DAP3: variants seen among roughly 807,000 people sequenced by gnomAD.
DAP3 encodes the protein small ribosomal subunit protein mS29.
A neutral mutation model predicts 51.9 loss-of-function variants in DAP3; 28 were observed. The observed-to-expected ratio is 0.54, with a 90% CI of 0.40 to 0.74. DAP3 has a LOEUF of 0.74. Ranked by LOEUF, DAP3 falls within the 30% of genes least tolerant of loss-of-function variation. DAP3 has a pLI of 0.00. For synonymous variants in DAP3, 170 were observed against 170.3 expected (o/e 1.00, Z 0.01); for missense variants, 458 against 483.5 (o/e 0.95, Z 0.49).
intron 9 of DAP3, among the ~76,000 whole-genome samples, chr1:155,730,819 C>A (rs1351019065): frequency 6.6e-6 from 1 of 151,948 alleles, no homozygotes; most frequent in Non-Finnish European, 1.5e-5. Context: ...CAGAGGAGAT[C>A]AGAAGCATCA....
At chr1:155,731,732 C>T (rs183459605) in intron 10 of DAP3, among the ~76,000 whole-genome samples, 3 of 152,004 alleles carry the variant, frequency 2.0e-5, no homozygotes, top group South Asian at 4.2e-4. Flanking sequence ...AGTTTGAGAC[C>T]CACAAATATG....
At chr1:155,693,689 T>G (rs923695315) in intron 1 of DAP3, among the ~76,000 whole-genome samples, 1 of 141,490 alleles carries the variant, frequency 7.1e-6, no homozygotes, top group Non-Finnish European at 1.5e-5. Context: ...TGGCCGGGAG[T>G]GGTGGCTCAC....
intron 1 of DAP3, among the ~76,000 whole-genome samples, chr1:155,698,443 CTT>C (rs1654796178): frequency 6.6e-6 from 1 of 152,146 alleles, no homozygotes; most frequent in Non-Finnish European, 1.5e-5. Flanking sequence ...GGGTCCCTGA[CTT>C]CCTGCAACAC....
At chr1:155,693,602 T>G (rs1195994875) in intron 1 of DAP3, among the ~76,000 whole-genome samples, 1 of 141,810 alleles carries the variant, frequency 7.1e-6, no homozygotes, top group African/African-American at 3.2e-5. Context: ...ACTGCAAAGG[T>G]CCCCTTAGGG....
intron 2 of DAP3, among the ~76,000 whole-genome samples, chr1:155,712,835 C>T (rs1190489548): frequency 6.6e-6 from 1 of 151,900 alleles, no homozygotes; most frequent in East Asian, 1.9e-4. Context: ...CACCTTGTGA[C>T]CCTTGAATAG....
At chr1:155,724,648 A>AAG (rs1180026229) in intron 4 of DAP3, among the ~76,000 whole-genome samples, 1 of 145,944 alleles carries the variant, frequency 6.9e-6, no homozygotes, top group African/African-American at 2.6e-5. Flanking sequence ...AAGAAAAAAA[A>AAG]AAAAAATCAA....
At chr1:155,702,151 TAAAAAAA>T (rs71080722) in intron 1 of DAP3, among the ~76,000 whole-genome samples, 2 of 101,672 alleles carry the variant, frequency 2.0e-5, no homozygotes, top group Non-Finnish European at 4.0e-5. Flanking sequence ...ATTCTGCCTA[TAAAAAAA>T]AAAAAAAAAA....
intron 10 of DAP3, 119 bp downstream of exon 10, chr1:155,731,534 T>A: frequency 1.0e-6 from 1 of 985,686 alleles, no homozygotes; most frequent in Non-Finnish European, 1.5e-6. Flanking sequence ...TAAGTTATTA[T>A]GTCTTATTTA....
intron 2 of DAP3, chr1:155,710,055 C>T (rs921903734): frequency 2.5e-6 from 1 of 404,352 alleles, no homozygotes; most frequent in African/African-American, 2.0e-5. Context: ...CTTTATTTCT[C>T]TAGCCAACTA....
intron 2 of DAP3, among the ~76,000 whole-genome samples, chr1:155,711,664 G>A (rs1234279627): frequency 6.6e-6 from 1 of 151,476 alleles, no homozygotes; most frequent in Non-Finnish European, 1.5e-5. Flanking sequence ...TAGGATAGAA[G>A]TATATATGAA....
chr1:155,724,640 GAAAA>G (rs936826529), intron 4 of DAP3, among the ~76,000 whole-genome samples: 19 of 91,046 alleles, frequency 2.1e-4, no homozygotes, highest in African/African-American at 6.5e-4. Flanking sequence ...CTCAAAAAAA[GAAAA>G]AAAAAAAAAA....
intron 1 of DAP3, among the ~76,000 whole-genome samples, chr1:155,689,926 C>T (rs932622946): frequency 1.3e-5 from 2 of 151,938 alleles, no homozygotes; most frequent in Non-Finnish European, 2.9e-5. Context: ...CACACACACA[C>T]ACGAAATAAT....
chr1:155,692,456 C>T (rs749047097), intron 1 of DAP3, among the ~76,000 whole-genome samples: 12 of 141,592 alleles, frequency 8.5e-5, no homozygotes, highest in Non-Finnish European at 1.5e-4. Context: ...AGGCATCTTC[C>T]GCATCTGCAG....
In DAP3 at chr1:155,719,292, A is replaced by G. The variant is rs549986632; in HGVS notation, c.168+2164A>G. Among the ~76,000 whole-genome samples, 8 of 148,674 alleles carry G rather than the reference A, an allele frequency of 5.4e-5. No individual in the cohort carries two copies. The South Asian group carries it at 6.3e-4, about 12-fold the overall frequency. ...CTCTTCTTGCCCAGGCTGGAGTGCAATGGCGCAGTCTCGTCTCACTGCAAC... is the reference window on the plus strand; with the variant it reads ...CTCTTCTTGCCCAGGCTGGAGTGCAGTGGCGCAGTCTCGTCTCACTGCAAC... On this transcript the variant is annotated intron_variant, in intron 3 of 12. Transcript: ENST00000368336.
At chr1:155,736,852 C>A in intron 11 of DAP3, 94 bp from the exon 12 acceptor site, 1 of 1,047,610 alleles carries the variant, frequency 9.5e-7, no homozygotes, top group Non-Finnish European at 1.5e-6. Flanking sequence ...AGAAGAAAAA[C>A]AAATACCTTA....
rs2101542113 is a variant in DAP3, at chr1:155,738,775, C to A, written c.*533C>A. On this transcript the variant is annotated 3_prime_UTR_variant, in exon 13 of 13. Transcript: ENST00000368336. ...CTGCTTGAGTTCAGGAGTTTGCAACCAGCCTGGGCAACATGGTGAAAACCT... is the reference window on the plus strand; with the variant it reads ...CTGCTTGAGTTCAGGAGTTTGCAACAAGCCTGGGCAACATGGTGAAAACCT... The A allele has an allele frequency of 6.6e-6, 1 of 152,284 alleles. No homozygotes were observed. Among genetic ancestry groups the A allele is most frequent in the Non-Finnish European group, 1.5e-5 (1 of 68,110 alleles). The allele number at this position is 152,284 out of a possible 1,614,324, so 9.4% of individuals were successfully genotyped here.
chr1:155,729,061 A>C lies in DAP3; in HGVS notation c.623A>C (p.Tyr208Ser). Residue 208 changes from tyrosine (Y) to serine (S), a missense_variant, in exon 8 of 13, where the codon TAT (tyrosine) becomes TCT (serine). Tyr to Ser is a moderately radical substitution (Grantham distance 144). Coordinates refer to ENST00000368336, the MANE Select transcript of DAP3 (RefSeq NM_004632.4). Reference protein sequence around the residue: ...FLNQIKVQEKYVWNKRESTEK... With the variant: ...FLNQIKVQEKSVWNKRESTEK... ...TTTTAGATAAAAGTTCAAGAGAAGT[A>C]TGTCTGGAATAAGAGAGAAAGCACT... 6.2e-7 allele frequency: 1 copy of C among 1,613,788 alleles called. No individual in the cohort carries two copies. Among genetic ancestry groups the C allele is most frequent in the Non-Finnish European group, 8.5e-7 (1 of 1,179,942 alleles).
chr1:155,711,713 C>T (rs1226287557), intron 2 of DAP3, among the ~76,000 whole-genome samples: 3 of 151,216 alleles, frequency 2.0e-5, no homozygotes, highest in South Asian at 2.1e-4. Context: ...CACCATCTGG[C>T]GAAGTCCCAC....
chr1:155,688,660 T>G, upstream of DAP3: 1 of 1,533,138 alleles, frequency 6.5e-7, no homozygotes, highest in South Asian at 1.2e-5. Context: ...CACGCGTACC[T>G]TCAGCGGCGC....
Sources: gnomAD v4.1 joint callset for allele counts (sites outside exome capture counted in the v4.1 genomes callset) on GRCh38, gnomAD v4.1.1 for gene constraint, MANE v1.5 for transcripts, NCBI Gene and HGNC (gene_info 2026-07-23, HGNC 2026-07-21) for gene names.